Variants in CEP128 observed in about 807,000 individuals in gnomAD.
CEP128 encodes the protein centrosomal protein 128.
Under a neutral mutation model 156.7 loss-of-function variants are expected in CEP128, and 132 were observed. The observed-to-expected ratio is 0.84, with a 90% CI of 0.73 to 0.97. The LOEUF is 0.97. CEP128 is among the 50% of genes least tolerant of loss of function. CEP128 has a pLI of 0.00. For synonymous variants in CEP128, 469 were observed against 448.9 expected (o/e 1.04, Z -0.57); for missense variants, 1,252 against 1,281.9 (o/e 0.98, Z 0.36).
intron 2 of CEP128, among the ~76,000 whole-genome samples, chr14:80,951,630 C>G (rs1482226464): frequency 6.6e-6 from 1 of 151,920 alleles, no homozygotes; most frequent in East Asian, 1.9e-4. Context: ...AAATAGAAAA[C>G]TAATAGCAAG....
intron 9 of CEP128, among the ~76,000 whole-genome samples, chr14:80,847,127 A>G (rs2140104180): frequency 6.6e-6 from 1 of 152,260 alleles, no homozygotes; most frequent in East Asian, 1.9e-4. Flanking sequence ...TTTGGGGGAA[A>G]AAATATCTTT....
In CEP128 at chr14:80,546,770, T is replaced by C. The variant is rs74718139; in HGVS notation, c.2880+12509A>G. The stretch of plus-strand genomic sequence containing the variant: ...CACAAAAGCTCCAGAAAATCATTTA[T>C]GGAAGACCAGCTAGCAAAATAATTA... On this transcript the variant is annotated intron_variant, in intron 21 of 24. Coordinates refer to ENST00000555265, the MANE Select transcript of CEP128 (RefSeq NM_152446.5). Among the ~76,000 whole-genome samples the C allele has an allele frequency of 2.9e-3, 445 of 152,256 alleles. 1 individual carries two copies. The highest frequency in any genetic ancestry group is 8.9e-3 in the African/African-American group (371 of 41,548).
At chr14:80,722,521 T>C (rs913798537) in intron 19 of CEP128, among the ~76,000 whole-genome samples, 1 of 151,450 alleles carries the variant, frequency 6.6e-6, no homozygotes, top group African/African-American at 2.4e-5. Flanking sequence ...GACGCACACA[T>C]ATAAGTATAT....
chr14:80,529,455 T>A (rs931736795), intron 22 of CEP128, among the ~76,000 whole-genome samples: 3 of 152,282 alleles, frequency 2.0e-5, no homozygotes, highest in Admixed American at 2.0e-4. Flanking sequence ...AGAATACAAC[T>A]TTTAAATTGT....
chr14:80,873,068 C>A (rs1389070578), intron 8 of CEP128, among the ~76,000 whole-genome samples: 1 of 152,162 alleles, frequency 6.6e-6, no homozygotes, highest in Non-Finnish European at 1.5e-5. Context: ...AAGGAACTGG[C>A]ACATGAACAA....
chr14:80,539,752 T>C (rs1232270077), intron 21 of CEP128, among the ~76,000 whole-genome samples: 2 of 152,068 alleles, frequency 1.3e-5, no homozygotes, highest in Non-Finnish European at 2.9e-5. Flanking sequence ...TATAAACAGA[T>C]GTGCAAGTAG....
chr14:80,955,376 G>C (rs923708224), intron 2 of CEP128: 2 of 487,448 alleles, frequency 4.1e-6, no homozygotes, highest in African/African-American at 3.9e-5. Context: ...GAAAACAGAG[G>C]GGACAGCCAG....
chr14:80,562,294 T>A (rs953988342), intron 20 of CEP128, among the ~76,000 whole-genome samples: 2 of 152,060 alleles, frequency 1.3e-5, no homozygotes, highest in African/African-American at 4.8e-5. Context: ...AAAAACTGTA[T>A]GTCAAAAAAC....
At chr14:80,685,019 T>A (rs1044507957) in intron 19 of CEP128, among the ~76,000 whole-genome samples, 3 of 152,112 alleles carry the variant, frequency 2.0e-5, no homozygotes, top group African/African-American at 7.2e-5. Context: ...TTGGCAGCAT[T>A]CCCTTTGAGA....
At chr14:80,714,819 A>G (rs1157664069) in intron 19 of CEP128, among the ~76,000 whole-genome samples, 1 of 152,184 alleles carries the variant, frequency 6.6e-6, no homozygotes, top group Non-Finnish European at 1.5e-5. Context: ...TAAGAATAAC[A>G]GTATTGTCCA....
chr14:80,530,929 G>A, intron 21 of CEP128, 43 bp from the exon 22 acceptor site: 2 of 1,287,172 alleles, frequency 1.6e-6, no homozygotes, highest in Non-Finnish European at 2.2e-6. Flanking sequence ...ATAAAAAATT[G>A]ATTAATACTC....
chr14:80,511,235 C>T (rs1888239527), intron 23 of CEP128, among the ~76,000 whole-genome samples: 1 of 151,842 alleles, frequency 6.6e-6, no homozygotes, highest in Non-Finnish European at 1.5e-5. Context: ...CATCAGGTCC[C>T]AGGCTTTTCT....
intron 13 of CEP128, among the ~76,000 whole-genome samples, chr14:80,801,340 T>G (rs1190135048): frequency 6.6e-6 from 1 of 152,172 alleles, no homozygotes; most frequent in Non-Finnish European, 1.5e-5. Flanking sequence ...TGCTTCCAGC[T>G]TTTGCCCATT....
intron 19 of CEP128, among the ~76,000 whole-genome samples, chr14:80,719,453 T>C (rs1025938100): frequency 1.3e-5 from 2 of 152,222 alleles, no homozygotes; most frequent in Non-Finnish European, 2.9e-5. Context: ...GGCTCACCTT[T>C]CCTGTATCAG....
intron 8 of CEP128, among the ~76,000 whole-genome samples, chr14:80,877,060 A>C (rs1252552011): frequency 6.6e-6 from 1 of 152,226 alleles, no homozygotes; most frequent in African/African-American, 2.4e-5. Flanking sequence ...TATGGAGTTG[A>C]GGTGCTATAA....
chr14:80,832,550 C>T (rs1376722038), intron 12 of CEP128, among the ~76,000 whole-genome samples: 1 of 152,162 alleles, frequency 6.6e-6, no homozygotes, highest in Non-Finnish European at 1.5e-5. Context: ...AGCGCTGATA[C>T]ATACATGTGG....
At chr14:80,490,076 A>G (rs1887273826), downstream of CEP128, among the ~76,000 whole-genome samples, 1 of 152,158 alleles carries the variant, frequency 6.6e-6, no homozygotes, top group African/African-American at 2.4e-5. Flanking sequence ...GAGGGGCATC[A>G]ACTTGATTTC....
Position 80,554,609 on chromosome 14 carries a change from ATT to A in CEP128, c.2880+4668_2880+4669del, listed in dbSNP as rs147790830. On this transcript the variant is annotated intron_variant, in intron 21 of 24. Coordinates refer to ENST00000555265, the MANE Select transcript of CEP128 (RefSeq NM_152446.5). ...TTTTGAAAATTATATTTTTCTAGGA[ATT>A]TGTTTATTTCTTCTAATTTATAATT... Among the ~76,000 whole-genome samples, 889 of 152,090 alleles carry A rather than the reference ATT, an allele frequency of 5.8e-3. 5 individuals are homozygous for A. Among genetic ancestry groups the A allele is most frequent in the African/African-American group, 0.02 (826 of 41,530 alleles).
At position 80,675,170 on chromosome 14, in the gene CEP128, C is replaced by A. The variant is rs538947052; in HGVS notation, c.2806+67905G>T. ...AATGTCAAACATATACAAAAGTAGA[C>A]AATATAATATAAGGCCTTGCTATTC... On this transcript the variant is annotated intron_variant, in intron 19 of 24. Transcript: ENST00000555265. Among the ~76,000 whole-genome samples the A allele has an allele frequency of 5.9e-5, 9 of 152,076 alleles. No individual in the cohort carries two copies. The South Asian group carries it at 8.3e-4, about 14-fold the overall frequency.
Sources: gnomAD v4.1 joint callset for allele counts (sites outside exome capture counted in the v4.1 genomes callset) on GRCh38, gnomAD v4.1.1 for gene constraint, MANE v1.5 for transcripts, NCBI Gene and HGNC (gene_info 2026-07-23, HGNC 2026-07-21) for gene names.